The following CUL1 variants were observed in gnomAD, a reference collection of about 807,000 sequenced individuals.
CUL1 encodes cullin-1.
CUL1 carries 24 observed loss-of-function variants against 118.0 expected under a neutral mutation model. The ratio of observed to expected loss-of-function variants is 0.20; its 90% CI spans 0.15 to 0.29. CUL1 has a LOEUF of 0.29. Among genes scored for constraint, CUL1 ranks in the 10% least tolerant of loss-of-function variants. CUL1 has a pLI of 1.00. For synonymous variants in CUL1, 332 were observed against 340.4 expected (o/e 0.98, Z 0.27); for missense variants, 361 against 933.8 (o/e 0.39, Z 7.99).
chr7:148,800,254 C>G lies in CUL1; in HGVS notation c.2251-248C>G, dbSNP rs1038983653. Among the ~76,000 whole-genome samples, 8 of 152,178 alleles carry G rather than the reference C, an allele frequency of 5.3e-5. No homozygotes were observed. Among genetic ancestry groups the G allele is most frequent in the Admixed American group, 5.2e-4 (8 of 15,282 alleles). ...CACGGGGCTCCCGAAGCACCTGACT[C>G]CAGTTCCTAGGGCGGGTGCAGGAGG... On this transcript the variant is annotated intron_variant, in intron 21 of 21. Coordinates refer to ENST00000325222, the MANE Select transcript of CUL1 (RefSeq NM_003592.3). This position sits in a 1 kb window ranked among gnomAD's most constrained non-coding sequence, Gnocchi z 4.6.
rs189172487 is a variant in CUL1 at position 148,700,745 on chromosome 7, A to G, written c.-162+1716A>G. Among the ~76,000 whole-genome samples, 718 of 152,242 alleles carry G rather than the reference A, an allele frequency of 4.7e-3. 3 individuals are homozygous for G. Among genetic ancestry groups the G allele is most frequent in the African/African-American group, 0.017 (689 of 41,540 alleles). ...CTGAATTGCTTTCTAAATATGTTAAACTTTTTTTCTCATTGGCTTCATCTT... is the reference window on the plus strand; with the variant it reads ...CTGAATTGCTTTCTAAATATGTTAAGCTTTTTTTCTCATTGGCTTCATCTT... On this transcript the variant is annotated intron_variant, in intron 1 of 21. Coordinates refer to ENST00000325222, the MANE Select transcript of CUL1 (RefSeq NM_003592.3).
At chr7:148,740,529 C>G (rs903554758) in intron 2 of CUL1, among the ~76,000 whole-genome samples, 1 of 152,182 alleles carries the variant, frequency 6.6e-6, no homozygotes, top group Admixed American at 6.5e-5. Flanking sequence ...CCTTCTTACC[C>G]CTACCTTCTA....
chr7:148,778,070 C>CAAAAAAAAAAAAAAAAAAAAAAAA lies in CUL1; in HGVS notation c.1084-5709_1084-5686dup, dbSNP rs1203417069. 8.7e-4 allele frequency among the ~76,000 whole-genome samples: 12 copies of CAAAAAAAAAAAAAAAAAAAAAAAA among 13,796 alleles called. 1 individual carries two copies. Among genetic ancestry groups the CAAAAAAAAAAAAAAAAAAAAAAAA allele is most frequent in the Admixed American group, 1.4e-3 (1 of 700 alleles). 9.1% of individuals were successfully genotyped at this position (13,796 alleles called of 152,430 possible). A position where few individuals can be genotyped will look rare whatever the true frequency, so the allele number is the denominator to read the frequency against. On this transcript the variant is annotated intron_variant, in intron 9 of 21. Coordinates refer to ENST00000325222, the MANE Select transcript of CUL1 (RefSeq NM_003592.3). ...AGGGTGACAGAAGAAGACCCTGTCT[C>CAAAAAAAAAAAAAAAAAAAAAAAA]AAAAAAAAAAAAAAAAAAAAAAAAA...
rs534592807 is a variant in CUL1, at chr7:148,724,817, A to G, written c.-161-5145A>G. On this transcript the variant is annotated intron_variant, in intron 1 of 21. Transcript: ENST00000325222. ...CTATACCTGAGTACTTTTGAAAACT[A>G]CCTGATTTCCTAAGTATATTTTGTT... Among the ~76,000 whole-genome samples, 5 of 152,166 alleles carry G rather than the reference A, an allele frequency of 3.3e-5. No individual in the cohort carries two copies. In the East Asian group the frequency reaches 9.7e-4, roughly 29 times the overall value.
At chr7:148,783,719 T>A (rs1437303756) in intron 9 of CUL1, 64 bp from the exon 10 acceptor site, 1 of 1,590,884 alleles carries the variant, frequency 6.3e-7, no homozygotes, top group Non-Finnish European at 8.6e-7. Flanking sequence ...ATGCATTGTA[T>A]ACCTTAATAC....
intron 1 of CUL1, among the ~76,000 whole-genome samples, chr7:148,714,067 C>G (rs995925049): frequency 6.6e-6 from 1 of 152,182 alleles, no homozygotes; most frequent in Non-Finnish European, 1.5e-5. Context: ...TTGATCACAA[C>G]GAGAAGCCTG....
At chr7:148,729,335 G>A (rs1020034826) in intron 1 of CUL1, among the ~76,000 whole-genome samples, 1 of 152,116 alleles carries the variant, frequency 6.6e-6, no homozygotes, top group African/African-American at 2.4e-5. Flanking sequence ...GCTTAGAGAG[G>A]TTAAGAAACT....
At chr7:148,709,740 C>T (rs1296427198) in intron 1 of CUL1, among the ~76,000 whole-genome samples, 1 of 152,184 alleles carries the variant, frequency 6.6e-6, no homozygotes, top group Non-Finnish European at 1.5e-5. Context: ...AGGGTGGTGA[C>T]AGAAATCAGT....
chr7:148,795,675 C>T (rs1021075918), intron 17 of CUL1, among the ~76,000 whole-genome samples: 3 of 150,018 alleles, frequency 2.0e-5, no homozygotes, highest in Non-Finnish European at 4.4e-5. Flanking sequence ...GAGGCTGAGG[C>T]GAGAGAATGG....
chr7:148,801,047 G>C lies in CUL1; in HGVS notation c.*465G>C, dbSNP rs1801370919. The C allele has an allele frequency of 6.5e-6, 1 of 152,754 alleles. No individual in the cohort carries two copies. The highest frequency in any genetic ancestry group is 6.6e-5 in the Admixed American group (1 of 15,262). The allele number at this position is 152,754 out of a possible 1,614,324, so 9.5% of individuals were successfully genotyped here. A position where few individuals can be genotyped will look rare whatever the true frequency, so the allele number is the denominator to read the frequency against. On this transcript the variant is annotated 3_prime_UTR_variant, in exon 22 of 22. Coordinates refer to ENST00000325222, the MANE Select transcript of CUL1 (RefSeq NM_003592.3). ...AGGATTTCTGTACAAGTCGCATTGGGTTTTGTTTTAAGTTTTACTAATTTC... is the reference window on the plus strand; with the variant it reads ...AGGATTTCTGTACAAGTCGCATTGGCTTTTGTTTTAAGTTTTACTAATTTC...
intron 2 of CUL1, among the ~76,000 whole-genome samples, chr7:148,744,397 A>AGTGTGTGTGTGTGTGT (rs56093418): frequency 3.5e-5 from 5 of 143,970 alleles, no homozygotes; most frequent in Admixed American, 3.5e-4. Flanking sequence ...TTGTTTCTGC[A>AGTGTGTGTGTGTGTGT]GTGTGTGTGT....
At position 148,725,219 on chromosome 7, in the gene CUL1, G is replaced by GCGCGCGCGCACACACACA; in HGVS notation, c.-161-4742_-161-4741insGCGCGCGCACACACACAC. ...CGTGTACACACACACACACGCGCGC[G>GCGCGCGCGCACACACACA]CTCACACACACACACACACACACAC... On this transcript the variant is annotated intron_variant, in intron 1 of 21. Transcript: ENST00000325222. 2.2e-3 allele frequency among the ~76,000 whole-genome samples: 314 copies of GCGCGCGCGCACACACACA among 140,138 alleles called. 1 individual carries two copies. The highest frequency in any genetic ancestry group is 3.5e-3 in the Non-Finnish European group (227 of 65,622). The allele number at this position is 140,138 out of a possible 152,430, so 91.9% of individuals were successfully genotyped here.
intron 1 of CUL1, among the ~76,000 whole-genome samples, chr7:148,712,215 C>G (rs1277040607): frequency 6.6e-6 from 1 of 152,240 alleles, no homozygotes; most frequent in African/African-American, 2.4e-5. Context: ...TTTCATACAA[C>G]AGCATCCCAT....
At chr7:148,737,731 G>T (rs1481230598) in intron 2 of CUL1, among the ~76,000 whole-genome samples, 1 of 151,854 alleles carries the variant, frequency 6.6e-6, no homozygotes, top group Non-Finnish European at 1.5e-5. Context: ...CTCCCGAGTG[G>T]CTGGGATTAC....
In CUL1 at chr7:148,789,817, G is replaced by A; in HGVS notation, c.1665G>A (p.Leu555=). ...WPFQQSCTFA[L]PSELERSYQR... is the part of the protein sequence containing the mutation. Reference sequence around the variant, plus strand: ...TCCAGCAGTCTTGTACATTTGCCTTGCCGTCAGAGGTAAGGATGGGTTTGT... The same window carrying A: ...TCCAGCAGTCTTGTACATTTGCCTTACCGTCAGAGGTAAGGATGGGTTTGT... The change falls in exon 15 of 22, where the codon TTG becomes TTA. Residue 555 remains leucine (L), a synonymous_variant. Coordinates refer to ENST00000325222, the MANE Select transcript of CUL1 (RefSeq NM_003592.3). 1 of 1,614,080 alleles carries A rather than the reference G, an allele frequency of 6.2e-7. No homozygotes were observed. Among genetic ancestry groups the A allele is most frequent in the Non-Finnish European group, 8.5e-7 (1 of 1,179,962 alleles).
intron 2 of CUL1, among the ~76,000 whole-genome samples, chr7:148,752,068 G>A (rs763895250): frequency 3.3e-5 from 5 of 152,060 alleles, no homozygotes; most frequent in Non-Finnish European, 5.9e-5. Flanking sequence ...CTGAGATCAC[G>A]CCATTGCACT....
At chr7:148,707,742 G>GT (rs1241333027) in intron 1 of CUL1, among the ~76,000 whole-genome samples, 3 of 152,100 alleles carry the variant, frequency 2.0e-5, no homozygotes, top group African/African-American at 4.8e-5. Context: ...CTACAAAGTT[G>GT]TTTCACATTT....
intron 2 of CUL1, among the ~76,000 whole-genome samples, chr7:148,750,605 C>G (rs185408023): frequency 6.6e-6 from 1 of 152,178 alleles, no homozygotes; most frequent in African/African-American, 2.4e-5. Context: ...CAGCTTCATC[C>G]ATGTCCGTGG....
Position 148,770,118 on chromosome 7 carries a change from G to T in CUL1, c.1083+2369G>T, listed in dbSNP as rs531893821. Reference sequence around the variant, plus strand: ...CTTGAATCTGACATTTACCTAACTCGATCAGTTAAAGCAAAAGTATACCTT... The same window carrying T: ...CTTGAATCTGACATTTACCTAACTCTATCAGTTAAAGCAAAAGTATACCTT... On this transcript the variant is annotated intron_variant, in intron 9 of 21. Transcript: ENST00000325222. Among the ~76,000 whole-genome samples, 14 of 152,270 alleles carry T rather than the reference G, an allele frequency of 9.2e-5. No individual in the cohort carries two copies. The South Asian group carries it at 2.7e-3, about 29-fold the overall frequency.
Sources: gnomAD v4.1 joint callset for allele counts (sites outside exome capture counted in the v4.1 genomes callset) on GRCh38, gnomAD v4.1.1 for gene constraint, Gnocchi (gnomAD v3.1) non-coding constraint, MANE v1.5 for transcripts, NCBI Gene and HGNC (gene_info 2026-07-23, HGNC 2026-07-21) for gene names.